CCDC171: variants seen among roughly 807,000 people sequenced by gnomAD.
CCDC171 encodes the protein coiled-coil domain-containing protein 171.
A neutral mutation model predicts 168.2 loss-of-function variants in CCDC171; 177 were observed. The observed-to-expected ratio is 1.05, with a 90% CI of 0.93 to 1.19. CCDC171 has a LOEUF of 1.19. Ranked by LOEUF, CCDC171 falls within the 50% of genes most tolerant of loss-of-function variation. The probability of loss-of-function intolerance (pLI) is 0.00; values close to 1 mark genes in which losing one functional copy is unlikely to be tolerated. For synonymous variants in CCDC171, 687 were observed against 540.8 expected (o/e 1.27, Z -3.75); for missense variants, 1,991 against 1,539.0 (o/e 1.29, Z -4.91).
chr9:15,733,673 C>CACTCTAAT (rs2134396422), intron 16 of CCDC171, among the ~76,000 whole-genome samples: 1 of 94,848 alleles, frequency 1.1e-5, no homozygotes, highest in African/African-American at 3.8e-5. Context: ...ACTGATTTAA[C>CACTCTAAT]CTTTTACTAA....
At chr9:15,974,839 G>C (rs1010799787), downstream of CCDC171, among the ~76,000 whole-genome samples, 4 of 152,052 alleles carry the variant, frequency 2.6e-5, no homozygotes, top group African/African-American at 9.7e-5. Flanking sequence ...TGTTTAATGA[G>C]ATTATTAGTA....
chr9:15,767,773 G>T (rs73416285), intron 18 of CCDC171, among the ~76,000 whole-genome samples: 5,992 of 128,088 alleles, frequency 0.047, 321 homozygotes, highest in South Asian at 0.13. Context: ...GGGCCTTTCT[G>T]TTCAGTGTTT....
chr9:15,716,800 A>C lies in CCDC171; in HGVS notation c.1319-4969A>C, dbSNP rs576507616. Among the ~76,000 whole-genome samples, 5 of 152,332 alleles carry C rather than the reference A, an allele frequency of 3.3e-5. No homozygotes were observed. In the South Asian group the frequency reaches 1.0e-3, roughly 32 times the overall value. ...TTCCTGTGATGACATTAATTCATTC[A>C]TGAGAGTAAAGCCCTCATAACCCAG... On this transcript the variant is annotated intron_variant, in intron 11 of 25. Coordinates refer to ENST00000380701, the MANE Select transcript of CCDC171 (RefSeq NM_173550.4).
At chr9:15,670,938 G>T (rs555635189) in intron 9 of CCDC171, among the ~76,000 whole-genome samples, 12 of 152,000 alleles carry the variant, frequency 7.9e-5, no homozygotes, top group African/African-American at 2.4e-4. Context: ...AGGCCGAGGT[G>T]GGGGAGGATT....
At chr9:15,601,988 A>C (rs1346156568) in intron 6 of CCDC171, among the ~76,000 whole-genome samples, 1 of 152,198 alleles carries the variant, frequency 6.6e-6, no homozygotes, top group African/African-American at 2.4e-5. Flanking sequence ...GTACTAAAAG[A>C]ATTTAAAATT....
intron 21 of CCDC171, among the ~76,000 whole-genome samples, chr9:15,812,370 C>G (rs1369908440): frequency 1.2e-4 from 19 of 152,130 alleles, no homozygotes; most frequent in East Asian, 1.9e-4. Context: ...TTCAAGGAGT[C>G]TAGGTATATT....
chr9:15,845,066 AT>A (rs2060838113), intron 21 of CCDC171, among the ~76,000 whole-genome samples: 3 of 152,130 alleles, frequency 2.0e-5, no homozygotes, highest in African/African-American at 7.2e-5. Flanking sequence ...TTTGATCTTC[AT>A]ATTTGAAAAA....
the CCDC171 span, among the ~76,000 whole-genome samples, chr9:16,102,571 G>A: frequency 6.6e-6 from 1 of 152,076 alleles, no homozygotes; most frequent in Non-Finnish European, 1.5e-5. Context: ...ACCTCCTTAG[G>A]CATGGATTAA....
chr9:15,624,619 A>G (rs2044881667), intron 7 of CCDC171, among the ~76,000 whole-genome samples: 1 of 152,138 alleles, frequency 6.6e-6, no homozygotes, highest in African/African-American at 2.4e-5. Context: ...AGCTTCATCC[A>G]TGTCCCTACA....
chr9:15,798,601 G>T lies in CCDC171; in HGVS notation c.3267+13907G>T, dbSNP rs566216297. ...TTAAGGGTTTAGCCTATTAGATCAG[G>T]AATCAGCAAAATGTGACCCACAGGT... On this transcript the variant is annotated intron_variant, in intron 21 of 25. Coordinates refer to ENST00000380701, the MANE Select transcript of CCDC171 (RefSeq NM_173550.4). Among the ~76,000 whole-genome samples the T allele has an allele frequency of 3.2e-4, 49 of 152,138 alleles. No homozygotes were observed. The South Asian group carries it at 4.8e-3, about 15-fold the overall frequency.
chr9:15,944,069 A>C (rs767687088), intron 25 of CCDC171, among the ~76,000 whole-genome samples: 31 of 152,000 alleles, frequency 2.0e-4, no homozygotes, highest in Middle Eastern at 6.8e-3. Flanking sequence ...TGATGTTTTT[A>C]TTTCTTTCTG....
At chr9:16,081,996 G>T in the CCDC171 span, among the ~76,000 whole-genome samples, 314 of 152,028 alleles carry the variant, frequency 2.1e-3, 13 homozygotes, top group East Asian at 0.048. Context: ...TTTACAAACT[G>T]AACATGTCTT....
intron 10 of CCDC171, among the ~76,000 whole-genome samples, chr9:15,682,977 T>C (rs2050137990): frequency 6.6e-6 from 1 of 152,010 alleles, no homozygotes; most frequent in African/African-American, 2.4e-5. Context: ...CTGTGAGTTT[T>C]TATATCTGCT....
At chr9:15,886,839 C>G (rs1046684311) in intron 24 of CCDC171, 1 of 151,760 alleles carries the variant, frequency 6.6e-6, no homozygotes, top group African/African-American at 2.4e-5. Context: ...TGTGCAACAA[C>G]ATATATGAAC....
At chr9:15,990,232 G>T (rs1189629280) in intron 3 of CCDC171, among the ~76,000 whole-genome samples, 1 of 152,038 alleles carries the variant, frequency 6.6e-6, no homozygotes, top group African/African-American at 2.4e-5. Flanking sequence ...CAGATCTCTT[G>T]GCAGAAACTC....
At position 15,686,470 on chromosome 9, in the gene CCDC171, G is replaced by A. The variant is rs186748380; in HGVS notation, c.1215+7574G>A. On this transcript the variant is annotated intron_variant, in intron 10 of 25. Coordinates refer to ENST00000380701, the MANE Select transcript of CCDC171 (RefSeq NM_173550.4). ...GCAGAGCTTGTAGTGAGCCGAGATC[G>A]CGCCACTGCACTCCAGCTTGGGCAA... Among the ~76,000 whole-genome samples, 514 of 151,778 alleles carry A rather than the reference G, an allele frequency of 3.4e-3. 3 individuals are homozygous for A. Among genetic ancestry groups the A allele is most frequent in the African/African-American group, 0.012 (502 of 41,374 alleles).
chr9:16,026,818 T>A (rs975343058), intron 6 of CCDC171, among the ~76,000 whole-genome samples: 1 of 152,260 alleles, frequency 6.6e-6, no homozygotes, highest in African/African-American at 2.4e-5. Flanking sequence ...CAAAAATGTT[T>A]ATCATCTATA....
chr9:15,635,655 C>T (rs116638729), intron 7 of CCDC171, among the ~76,000 whole-genome samples: 110 of 152,360 alleles, frequency 7.2e-4, no homozygotes, highest in African/African-American at 2.2e-3. Context: ...CACCTAGGAA[C>T]ATTACATCCT....
chr9:15,812,292 G>T (rs1377762352), intron 21 of CCDC171, among the ~76,000 whole-genome samples: 1 of 152,174 alleles, frequency 6.6e-6, no homozygotes, highest in Non-Finnish European at 1.5e-5. Flanking sequence ...CACATGCTAT[G>T]CCTATTGCAC....
Sources: gnomAD v4.1 joint callset for allele counts (sites outside exome capture counted in the v4.1 genomes callset) on GRCh38, gnomAD v4.1.1 for gene constraint, MANE v1.5 for transcripts, NCBI Gene and HGNC (gene_info 2026-07-23, HGNC 2026-07-21) for gene names.